The following DYNC1I1 variants were observed in gnomAD, a reference collection of about 807,000 sequenced individuals.
DYNC1I1 encodes the protein dynein cytoplasmic 1 intermediate chain 1, also known as cytoplasmic dynein 1 intermediate chain 1.
A neutral mutation model predicts 86.6 loss-of-function variants in DYNC1I1; 43 were observed. The observed-to-expected ratio is 0.50, with a 90% CI of 0.39 to 0.64. The LOEUF is 0.64. Among genes scored for constraint, DYNC1I1 ranks in the 30% least tolerant of loss-of-function variants. DYNC1I1 has a pLI of 0.00. For missense variants in DYNC1I1, 604 were observed against 788.8 expected (o/e 0.77, Z 2.81); for synonymous variants, 262 against 283.7 (o/e 0.92, Z 0.77).
chr7:95,819,224 G>T (rs1460801044), intron 4 of DYNC1I1, among the ~76,000 whole-genome samples: 1 of 152,122 alleles, frequency 6.6e-6, no homozygotes, highest in Non-Finnish European at 1.5e-5. Flanking sequence ...TCTTCAGCTT[G>T]GATACTGGGC....
At chr7:96,007,039 A>G (rs1347502686) in intron 10 of DYNC1I1, among the ~76,000 whole-genome samples, 1 of 152,228 alleles carries the variant, frequency 6.6e-6, no homozygotes, top group African/African-American at 2.4e-5. Flanking sequence ...AAACAAAAGC[A>G]AATACAAAGA....
chr7:95,985,648 C>A (rs115936452), intron 8 of DYNC1I1, among the ~76,000 whole-genome samples: 2 of 152,250 alleles, frequency 1.3e-5, no homozygotes, highest in African/African-American at 4.8e-5. Flanking sequence ...TATAGCTGTT[C>A]TTAGCCACAG....
intron 5 of DYNC1I1, 32 bp downstream of exon 5, chr7:95,828,148 T>C: frequency 6.2e-7 from 1 of 1,612,258 alleles, no homozygotes; most frequent in Admixed American, 1.7e-5. Flanking sequence ...ACTCCTTTTA[T>C]TATTTCTTTG....
intron 6 of DYNC1I1, among the ~76,000 whole-genome samples, chr7:95,907,460 A>G (rs1316196133): frequency 3.3e-5 from 5 of 152,074 alleles, no homozygotes; most frequent in Non-Finnish European, 5.9e-5. Context: ...TGCACATGGG[A>G]GCCCTTGGAC....
intron 6 of DYNC1I1, among the ~76,000 whole-genome samples, chr7:95,929,368 GT>G (rs762321829): frequency 1.3e-5 from 2 of 152,074 alleles, no homozygotes; most frequent in Non-Finnish European, 2.9e-5. Flanking sequence ...TATGTTTTAT[GT>G]AACCTTATTA....
intron 13 of DYNC1I1, 78 bp from the exon 14 acceptor site, chr7:96,039,199 T>C: frequency 6.7e-7 from 1 of 1,495,582 alleles, no homozygotes; most frequent in South Asian, 1.3e-5. Context: ...TTGAGGGTTT[T>C]TTGTTTTGTT....
chr7:95,854,755 C>A (rs1789672401), intron 5 of DYNC1I1, among the ~76,000 whole-genome samples: 1 of 152,108 alleles, frequency 6.6e-6, no homozygotes, highest in South Asian at 2.1e-4. Flanking sequence ...GCCCCTCAAC[C>A]AGAATAGATT....
At chr7:95,863,165 C>T (rs907965072) in intron 5 of DYNC1I1, among the ~76,000 whole-genome samples, 1 of 151,964 alleles carries the variant, frequency 6.6e-6, no homozygotes, top group African/African-American at 2.4e-5. Context: ...TATAACCATA[C>T]AATGAAATCT....
chr7:96,090,493 G>T (rs936262212), intron 16 of DYNC1I1, among the ~76,000 whole-genome samples: 1 of 149,878 alleles, frequency 6.7e-6, no homozygotes, highest in Non-Finnish European at 1.5e-5. Context: ...TAATTAGGTG[G>T]TAATGGATTT....
rs1392828428 is a variant in DYNC1I1, at chr7:96,080,382, C to T, written c.1670C>T (p.Ala557Val). 1 of 1,609,774 alleles carries T rather than the reference C, an allele frequency of 6.2e-7. No homozygotes were observed. The highest frequency in any genetic ancestry group is 8.5e-7 in the Non-Finnish European group (1 of 1,178,120). Residue 557 changes from alanine to valine, a missense_variant, in exon 16 of 17, where the codon GCC becomes GTC. Coordinates refer to ENST00000447467, the MANE Select transcript of DYNC1I1 (RefSeq NM_001135556.2). Reference sequence around the variant, plus strand: ...TGGCAGGTTCCAACAGCAAGTGTGGCCATTGAGGGGGCATCCGCCCTAAAC... The same window carrying T: ...TGGCAGGTTCCAACAGCAAGTGTGGTCATTGAGGGGGCATCCGCCCTAAAC... ...NDTEVPTASVAIEGASALNRV... is the reference protein window; with the variant it reads ...NDTEVPTASVVIEGASALNRV...
At chr7:95,797,516 T>A (rs942277681) in intron 1 of DYNC1I1, among the ~76,000 whole-genome samples, 2 of 152,250 alleles carry the variant, frequency 1.3e-5, no homozygotes, top group Non-Finnish European at 2.9e-5. Flanking sequence ...TTGGAAGGTC[T>A]GCATGATTTA....
At chr7:95,863,219 A>G (rs1415868519) in intron 5 of DYNC1I1, among the ~76,000 whole-genome samples, 1 of 152,234 alleles carries the variant, frequency 6.6e-6, no homozygotes, top group Non-Finnish European at 1.5e-5. Context: ...ATGCTACAAC[A>G]TTGTTGAATC....
intron 6 of DYNC1I1, among the ~76,000 whole-genome samples, chr7:95,968,128 A>C (rs561780564): frequency 6.6e-6 from 1 of 151,496 alleles, no homozygotes; most frequent in South Asian, 2.1e-4. Context: ...GCGTGGAAAG[A>C]GGTTAGAGGT....
chr7:95,799,959 G>A (rs1478982), intron 1 of DYNC1I1, among the ~76,000 whole-genome samples: 92,903 of 150,824 alleles, frequency 0.62, 29,284 homozygotes, highest in African/African-American at 0.73. Context: ...GGAAGAGGAG[G>A]AGGAGGAGAA....
chr7:96,080,419 G>A lies in DYNC1I1; in HGVS notation c.1707G>A (p.Trp569Ter), dbSNP rs1790479070. The change falls in exon 16 of 17, where the codon TGG (tryptophan) becomes TGA (stop). Residue 569 changes from tryptophan to a stop codon, truncating the protein, a stop_gained. Transcript: ENST00000447467. LOFTEE classifies it high-confidence loss of function. ...CATCCGCCCTAAACCGTGTTCGTTG[G>A]GCCCAAGCTGGCAAAGAAGTTGCTG... is the stretch of plus-strand genomic sequence containing the variant. ...EGASALNRVR[W>*]AQAGKEVAVG... The A allele has an allele frequency of 6.2e-7, 1 of 1,614,122 alleles. No homozygotes were observed. The highest frequency in any genetic ancestry group is 8.5e-7 in the Non-Finnish European group (1 of 1,179,992).
intron 5 of DYNC1I1, among the ~76,000 whole-genome samples, chr7:95,865,785 G>A (rs1790002394): frequency 6.6e-6 from 1 of 152,180 alleles, no homozygotes. Context: ...ATCCCATCTA[G>A]CCTAGACGTA....
intron 4 of DYNC1I1, among the ~76,000 whole-genome samples, chr7:95,818,133 C>T (rs1016955145): frequency 1.6e-4 from 25 of 151,936 alleles, no homozygotes; most frequent in African/African-American, 5.8e-4. Flanking sequence ...CAAAATAGTC[C>T]GAAGGGGAGA....
chr7:95,974,511 G>A (rs537907880), intron 6 of DYNC1I1, among the ~76,000 whole-genome samples: 1 of 152,262 alleles, frequency 6.6e-6, no homozygotes, highest in East Asian at 1.9e-4. Flanking sequence ...AGAAATGGGG[G>A]CTCAGAGAGT....
chr7:95,944,280 A>T (rs951645688), intron 6 of DYNC1I1, among the ~76,000 whole-genome samples: 2 of 152,238 alleles, frequency 1.3e-5, no homozygotes, highest in Non-Finnish European at 2.9e-5. Flanking sequence ...AAAAATGCTC[A>T]CCATCACTGG....
Sources: gnomAD v4.1 joint callset for allele counts (sites outside exome capture counted in the v4.1 genomes callset) on GRCh38, gnomAD v4.1.1 for gene constraint, MANE v1.5 for transcripts, NCBI Gene and HGNC (gene_info 2026-07-23, HGNC 2026-07-21) for gene names.